The following B4GALNT2 variants were observed in gnomAD, a reference collection of about 807,000 sequenced individuals.
The protein encoded by B4GALNT2 is beta-1,4-N-acetyl-galactosaminyltransferase 2 (SID blood group).
B4GALNT2 carries 42 observed loss-of-function variants against 51.1 expected under a neutral mutation model. That is an observed-to-expected ratio of 0.82 (90% CI 0.64 to 1.06). The LOEUF (loss-of-function observed/expected upper bound fraction) is 1.06, where lower values mean the gene tolerates loss of function less well. B4GALNT2 is among the 50% of genes least tolerant of loss of function. The probability of loss-of-function intolerance (pLI) is 0.00; values close to 1 mark genes in which losing one functional copy is unlikely to be tolerated. For synonymous variants in B4GALNT2, 253 were observed against 251.7 expected (o/e 1.01, Z -0.05); for missense variants, 602 against 633.6 (o/e 0.95, Z 0.54).
intron 4 of B4GALNT2, among the ~76,000 whole-genome samples, chr17:49,153,630 C>T (rs1229625297): frequency 6.6e-6 from 1 of 151,846 alleles, no homozygotes; most frequent in Non-Finnish European, 1.5e-5. Flanking sequence ...CCTCAGCCTC[C>T]CAAGTAGCTG....
intron 8 of B4GALNT2, among the ~76,000 whole-genome samples, chr17:49,164,959 G>A (rs1336081425): frequency 6.6e-6 from 1 of 151,998 alleles, no homozygotes; most frequent in East Asian, 1.9e-4. Flanking sequence ...CTACAGGCAT[G>A]CACCATAATG....
the B4GALNT2 span, among the ~76,000 whole-genome samples, chr17:49,123,600 A>C: frequency 2.0e-5 from 3 of 152,234 alleles, no homozygotes; most frequent in African/African-American, 7.2e-5. Flanking sequence ...TATTTGTTAC[A>C]TAGGCCTTTT....
At chr17:49,147,371 TTTC>T (rs2042704905) in intron 3 of B4GALNT2, among the ~76,000 whole-genome samples, 1 of 145,990 alleles carries the variant, frequency 6.8e-6, no homozygotes, top group African/African-American at 2.5e-5. Flanking sequence ...TTTTCTTTTC[TTTC>T]TTTCTTTTTT....
chr17:49,154,835 T>C (rs1443113226), intron 4 of B4GALNT2, among the ~76,000 whole-genome samples: 1 of 152,022 alleles, frequency 6.6e-6, no homozygotes, highest in Non-Finnish European at 1.5e-5. Flanking sequence ...GATGAGAGTT[T>C]AGTAAGTTAT....
Position 49,175,772 on chromosome 17 carries a change from A to C in B4GALNT2, c.*6044A>C, listed in dbSNP as rs1004748738. 6.6e-6 allele frequency: 1 copy of C among 152,066 alleles called. No individual in the cohort carries two copies. Among genetic ancestry groups the C allele is most frequent in the Non-Finnish European group, 1.5e-5 (1 of 68,038 alleles). 9.4% of individuals were successfully genotyped at this position (152,066 alleles called of 1,614,324 possible). ...TGCCTGAATAGAACTGAGAGCAGTC[A>C]CTCGAGGCACTGCTAGAACAGTCAC... On this transcript the variant is annotated 3_prime_UTR_variant, in exon 11 of 11. Coordinates refer to ENST00000393354, the MANE Select transcript of B4GALNT2 (RefSeq NM_001159387.2).
chr17:49,146,164 C>T (rs977982220), intron 3 of B4GALNT2, among the ~76,000 whole-genome samples: 6 of 152,086 alleles, frequency 3.9e-5, no homozygotes, highest in African/African-American at 1.4e-4. Flanking sequence ...TTTGCCTCAG[C>T]CCTGCAAAGT....
intron 4 of B4GALNT2, among the ~76,000 whole-genome samples, chr17:49,155,899 G>A (rs949940910): frequency 6.6e-6 from 1 of 151,018 alleles, no homozygotes; most frequent in East Asian, 2.0e-4. Flanking sequence ...ATTTTTTTTT[G>A]TGTGTTTTTA....
intron 5 of B4GALNT2, among the ~76,000 whole-genome samples, chr17:49,158,510 T>TGA (rs2042831114): frequency 6.6e-6 from 1 of 151,986 alleles, no homozygotes; most frequent in Non-Finnish European, 1.5e-5. Flanking sequence ...TGGTGGCTCA[T>TGA]GCCTGTAATC....
intron 3 of B4GALNT2, among the ~76,000 whole-genome samples, chr17:49,151,890 T>G (rs917602157): frequency 1.3e-5 from 2 of 152,210 alleles, no homozygotes; most frequent in Admixed American, 6.5e-5. Flanking sequence ...GTAGGAGAAG[T>G]TCCACCTCCC....
chr17:49,126,632 CT>C, the B4GALNT2 span, among the ~76,000 whole-genome samples: 5 of 53,906 alleles, frequency 9.3e-5, no homozygotes, highest in Non-Finnish European at 1.8e-4. Flanking sequence ...TCGTACATTT[CT>C]TTTTTTTTCT....
At chr17:49,123,942 C>T in the B4GALNT2 span, among the ~76,000 whole-genome samples, 1 of 152,130 alleles carries the variant, frequency 6.6e-6, no homozygotes, top group African/African-American at 2.4e-5. Flanking sequence ...TGTCCTGTTA[C>T]AAAAGAAAAC....
chr17:49,153,972 T>A (rs150310891), intron 4 of B4GALNT2, among the ~76,000 whole-genome samples: 105 of 151,692 alleles, frequency 6.9e-4, no homozygotes, highest in African/African-American at 2.5e-3. Context: ...TCCATCATCA[T>A]GGGAACAGGC....
At chr17:49,159,608 G>A (rs1399210850) in intron 6 of B4GALNT2, among the ~76,000 whole-genome samples, 1 of 152,138 alleles carries the variant, frequency 6.6e-6, no homozygotes, top group Non-Finnish European at 1.5e-5. Context: ...CCAAAGTGCT[G>A]GGATTACAGG....
chr17:49,122,888 T>G, the B4GALNT2 span, among the ~76,000 whole-genome samples: 1 of 152,214 alleles, frequency 6.6e-6, no homozygotes, highest in African/African-American at 2.4e-5. Flanking sequence ...GTAAAGCAGT[T>G]CCCACAGGGT....
chr17:49,124,126 A>G, the B4GALNT2 span, among the ~76,000 whole-genome samples: 1 of 152,254 alleles, frequency 6.6e-6, no homozygotes, highest in Non-Finnish European at 1.5e-5. Context: ...AGTTTCTTTG[A>G]CTTTGAAAAG....
At chr17:49,142,913 G>A (rs1416198630) in intron 3 of B4GALNT2, among the ~76,000 whole-genome samples, 2 of 152,106 alleles carry the variant, frequency 1.3e-5, no homozygotes, top group Non-Finnish European at 2.9e-5. Context: ...ATTACAAGGG[G>A]TGTCAACACT....
At chr17:49,147,849 ATG>A (rs145703535) in intron 3 of B4GALNT2, among the ~76,000 whole-genome samples, 183 of 149,124 alleles carry the variant, frequency 1.2e-3, no homozygotes, top group African/African-American at 3.8e-3. Flanking sequence ...TTATATATAT[ATG>A]TGTGTGTGTG....
At chr17:49,148,694 CT>C in intron 3 of B4GALNT2, 1 of 562,526 alleles carries the variant, frequency 1.8e-6, no homozygotes. Flanking sequence ...CGGGCACCTT[CT>C]TGTCTGCCAG....
At chr17:49,147,259 A>G (rs2042702988) in intron 3 of B4GALNT2, among the ~76,000 whole-genome samples, 1 of 152,208 alleles carries the variant, frequency 6.6e-6, no homozygotes, top group South Asian at 2.1e-4. Context: ...CCTGTGTGTT[A>G]GTGCTACATT....
Sources: gnomAD v4.1 joint callset for allele counts (sites outside exome capture counted in the v4.1 genomes callset) on GRCh38, gnomAD v4.1.1 for gene constraint, MANE v1.5 for transcripts, NCBI Gene and HGNC (gene_info 2026-07-23, HGNC 2026-07-21) for gene names.